GRK7: variants seen among roughly 807,000 people sequenced by gnomAD.
The protein encoded by GRK7 is rhodopsin kinase GRK7.
GRK7 carries 24 observed loss-of-function variants against 34.1 expected under a neutral mutation model. The ratio of observed to expected loss-of-function variants is 0.70; its 90% CI spans 0.51 to 0.99. The LOEUF (loss-of-function observed/expected upper bound fraction) is 0.99. Among genes scored for constraint, GRK7 ranks in the 50% least tolerant of loss-of-function variants. The pLI, the probability that GRK7 is intolerant of heterozygous loss-of-function variation, is 0.00. For missense variants in GRK7, 644 were observed against 707.3 expected (o/e 0.91, Z 1.02); for synonymous variants, 256 against 279.4 (o/e 0.92, Z 0.84).
intron 4 of GRK7, among the ~76,000 whole-genome samples, chr3:141,806,658 T>C (rs1711039475): frequency 6.6e-6 from 1 of 152,030 alleles, no homozygotes; most frequent in African/African-American, 2.4e-5. Context: ...TATTGCATGA[T>C]TCCACTTATA....
chr3:141,766,390 C>T (rs980152011), intron 1 of GRK7, among the ~76,000 whole-genome samples: 1 of 152,156 alleles, frequency 6.6e-6, no homozygotes, highest in African/African-American at 2.4e-5. Context: ...GTCTCGATCT[C>T]CTGACCTCGT....
Position 141,816,910 on chromosome 3 carries a change from T to G in GRK7, c.1522T>G (p.Phe508Val), listed in dbSNP as rs760313708. ...CAAAGATAAGCAGTTCTTCAAAAAC[T>G]TTGCGACAGGTGCTGTTCCTATAGC... ...DDKDKQFFKN[F>V]ATGAVPIAWQ... Residue 508 changes from phenylalanine to valine, a missense_variant, in exon 6 of 6, where the codon TTT (phenylalanine) becomes GTT (valine). Phe to Val is a conservative substitution (Grantham distance 50). Transcript: ENST00000682958. 3.1e-6 allele frequency: 5 copies of G among 1,614,016 alleles called. No homozygotes were observed. The highest frequency in any genetic ancestry group is 4.2e-6 in the Non-Finnish European group (5 of 1,180,032).
chr3:141,815,131 C>T (rs1330033418), intron 5 of GRK7, among the ~76,000 whole-genome samples: 1 of 151,812 alleles, frequency 6.6e-6, no homozygotes, highest in East Asian at 1.9e-4. Flanking sequence ...CACCATGTTG[C>T]CCAGGCTGGT....
rs906935907 is a variant in GRK7 at position 141,780,711 on chromosome 3, T to C, written c.950T>C (p.Met317Thr). ...LHELGIVYRD[M>T]KPENVLLDDL... is the part of the protein sequence containing the mutation. ...GAACTCGGCATCGTCTATCGGGACA[T>C]GAAGCCTGAGAATGTGCTTCTGGAT... Residue 317 changes from methionine to threonine, a missense_variant, in exon 4 of 6, where the codon ATG (methionine) becomes ACG (threonine). By Grantham distance (81) the Met-to-Thr change is moderately conservative. Transcript: ENST00000682958. The C allele has an allele frequency of 1.3e-5, 21 of 1,614,080 alleles. No homozygotes were observed. Among genetic ancestry groups the C allele is most frequent in the Non-Finnish European group, 1.6e-5 (19 of 1,180,048 alleles).
chr3:141,809,421 G>A (rs1266329619), intron 5 of GRK7, among the ~76,000 whole-genome samples: 2 of 152,120 alleles, frequency 1.3e-5, no homozygotes, highest in East Asian at 3.9e-4. Context: ...TTAGAAGGCC[G>A]GGCGCAGTGG....
At chr3:141,762,732 T>C (rs1009635463), upstream of GRK7, among the ~76,000 whole-genome samples, 11 of 152,126 alleles carry the variant, frequency 7.2e-5, no homozygotes, top group African/African-American at 2.7e-4. Context: ...CGCCTTGCAG[T>C]TTGATCTCAG....
At chr3:141,762,059 G>T (rs1035197293), upstream of GRK7, among the ~76,000 whole-genome samples, 5 of 147,956 alleles carry the variant, frequency 3.4e-5, no homozygotes, top group Non-Finnish European at 7.5e-5. Context: ...CCTTTGGTTT[G>T]AATGTCCTCC....
rs1711181841 is a variant in GRK7 at position 141,818,882 on chromosome 3, T to A, written c.*1832T>A. 6.6e-6 allele frequency among the ~76,000 whole-genome samples: 1 copy of A among 152,162 alleles called. No individual in the cohort carries two copies. Among genetic ancestry groups the A allele is most frequent in the Admixed American group, 6.6e-5 (1 of 15,266 alleles). Reference sequence around the variant, plus strand: ...CAGCATTAACCACACCTGGAACAAGTTAAGAAGAAGCCCTCTGAGAGTTGA... The same window carrying A: ...CAGCATTAACCACACCTGGAACAAGATAAGAAGAAGCCCTCTGAGAGTTGA... On this transcript the variant is annotated 3_prime_UTR_variant, in exon 6 of 6. Transcript: ENST00000682958.
the GRK7 span, among the ~76,000 whole-genome samples, chr3:141,751,518 A>G: frequency 6.6e-6 from 1 of 152,238 alleles, no homozygotes; most frequent in Non-Finnish European, 1.5e-5. Context: ...ATTACACCAT[A>G]TGTGACTACA....
chr3:141,777,474 G>T (rs1197648207), intron 2 of GRK7, among the ~76,000 whole-genome samples: 1 of 137,908 alleles, frequency 7.3e-6, no homozygotes. Context: ...ACAGGCGCCC[G>T]CCATCAAGCC....
chr3:141,776,504 A>C (rs1372606111), intron 2 of GRK7, among the ~76,000 whole-genome samples: 1 of 152,150 alleles, frequency 6.6e-6, no homozygotes, highest in Non-Finnish European at 1.5e-5. Context: ...AAAAGTATCC[A>C]ACATTTCCCG....
rs761814269 is a variant in GRK7 at position 141,778,474 on chromosome 3, C to G, written c.190C>G (p.Pro64Ala). Residue 64 changes from proline (P) to alanine (A), a missense_variant, in exon 3 of 6, where the codon CCC (proline) becomes GCC (alanine). Pro to Ala is a conservative substitution (Grantham distance 27). Coordinates refer to ENST00000682958, the MANE Select transcript of GRK7 (RefSeq NM_139209.3). This position sits in a 1 kb window ranked among gnomAD's most constrained non-coding sequence, Gnocchi z 4.1. ...LNFHSLCEQQPIGRRLFRDFL... is the reference protein window; with the variant it reads ...LNFHSLCEQQAIGRRLFRDFL... ...CTTCCACAGCCTGTGTGAGCAGCAG[C>G]CCATCGGTCGCCGCCTCTTCCGTGA... 1.2e-6 allele frequency: 2 copies of G among 1,613,162 alleles called. No individual in the cohort carries two copies. Among genetic ancestry groups the G allele is most frequent in the East Asian group, 4.5e-5 (2 of 44,874 alleles).
chr3:141,762,593 C>G (rs76239966), upstream of GRK7, among the ~76,000 whole-genome samples: 72,089 of 148,952 alleles, frequency 0.48, 17,931 homozygotes, highest in South Asian at 0.63. Flanking sequence ...GCCCCCAGAG[C>G]TGGAGCCTAC....
intron 1 of GRK7, among the ~76,000 whole-genome samples, chr3:141,769,339 C>T (rs2084605726): frequency 6.6e-6 from 1 of 152,290 alleles, no homozygotes; most frequent in Non-Finnish European, 1.5e-5. Flanking sequence ...ATTCCTTCTG[C>T]TTTGTTCCAT....
At chr3:141,783,843 G>A (rs2084683357) in intron 4 of GRK7, among the ~76,000 whole-genome samples, 1 of 152,148 alleles carries the variant, frequency 6.6e-6, no homozygotes, top group Admixed American at 6.5e-5. Context: ...TCTCCTCTGT[G>A]GGTGGGAAGG....
chr3:141,776,948 G>A (rs1431343891), intron 2 of GRK7, among the ~76,000 whole-genome samples: 2 of 152,102 alleles, frequency 1.3e-5, no homozygotes, highest in Admixed American at 1.3e-4. Flanking sequence ...GAAGTTCTTA[G>A]CCTGATCTCT....
chr3:141,770,649 T>TA (rs1464263964), intron 1 of GRK7, among the ~76,000 whole-genome samples: 3 of 151,186 alleles, frequency 2.0e-5, no homozygotes, highest in Non-Finnish European at 4.4e-5. Context: ...AACAAGCATA[T>TA]AAAAAATACT....
intron 5 of GRK7, among the ~76,000 whole-genome samples, chr3:141,810,831 C>G (rs1490892519): frequency 6.6e-6 from 1 of 152,104 alleles, no homozygotes; most frequent in Non-Finnish European, 1.5e-5. Context: ...TCTGCGTGCC[C>G]AGGAGTGAGA....
At chr3:141,804,581 AC>A (rs1435342206) in intron 4 of GRK7, among the ~76,000 whole-genome samples, 1 of 147,634 alleles carries the variant, frequency 6.8e-6, no homozygotes, top group African/African-American at 2.7e-5. Flanking sequence ...ACACATACAC[AC>A]ATACACATAC....
Sources: gnomAD v4.1 joint callset for allele counts (sites outside exome capture counted in the v4.1 genomes callset) on GRCh38, gnomAD v4.1.1 for gene constraint, Gnocchi (gnomAD v3.1) non-coding constraint, MANE v1.5 for transcripts, NCBI Gene and HGNC (gene_info 2026-07-23, HGNC 2026-07-21) for gene names.